MACF1: variants seen among roughly 807,000 people sequenced by gnomAD.
The protein encoded by MACF1 is microtubule-actin cross-linking factor 1.
A neutral mutation model predicts 854.8 loss-of-function variants in MACF1; 193 were observed. The observed-to-expected ratio is 0.23, with a 90% CI of 0.20 to 0.25. MACF1 has a LOEUF of 0.25. Ranked by LOEUF, MACF1 falls within the 10% of genes least tolerant of loss-of-function variation. The pLI, the probability that MACF1 is intolerant of heterozygous loss-of-function variation, is 1.00. For synonymous variants in MACF1, 3,185 were observed against 3,226.7 expected (o/e 0.99, Z 0.44); for missense variants, 7,722 against 8,929.1 (o/e 0.86, Z 5.45).
chr1:39,128,003 T>G (rs1448113828), intron 2 of MACF1, among the ~76,000 whole-genome samples: 1 of 152,092 alleles, frequency 6.6e-6, no homozygotes, highest in African/African-American at 2.4e-5. Flanking sequence ...TCTTTTCTAG[T>G]CTTTATTTTC....
In MACF1 at chr1:39,335,329, T is replaced by A. The variant is rs762762215; in HGVS notation, c.8741T>A (p.Val2914Glu). 1.2e-6 allele frequency: 2 copies of A among 1,613,748 alleles called. No homozygotes were observed. Among genetic ancestry groups the A allele is most frequent in the Non-Finnish European group, 1.7e-6 (2 of 1,179,924 alleles). ...NDTNEEQEKA[V>E]TKIEIISHMK... ...ACAAATGAAGAGCAGGAAAAAGCAG[T>A]GACAAAAATAGAAATTATTTCTCAT... is the stretch of plus-strand genomic sequence containing the variant. Residue 2914 changes from valine to glutamate, a missense_variant, in exon 37 of 101, where the codon GTG becomes GAG. Around this residue, in one of 15 missense-constraint regions of MACF1, gnomAD observed 854 missense variants for 852.6 expected, o/e 1.00. Coordinates refer to ENST00000564288, the MANE Select transcript of MACF1 (RefSeq NM_001394062.1).
Position 39,469,620 on chromosome 1 carries a change from G to A in MACF1, c.21958+5G>A. ...TTTCCAGTCAGTCTCCCATAGGTTG[G>A]CTTTTAAGCTTTGTCCCTCTTCCTC... On this transcript the variant is annotated splice_donor_5th_base_variant and intron_variant, in intron 97 of 100. Transcript: ENST00000564288. The A allele has an allele frequency of 6.5e-7, 1 of 1,549,906 alleles. No individual in the cohort carries two copies.
In MACF1 at chr1:39,422,491, G is replaced by A. The variant is rs1340606834; in HGVS notation, c.15934G>A (p.Asp5312Asn). The change falls in exon 59 of 101, where the codon GAC becomes AAC. Residue 5312 changes from aspartate (D) to asparagine (N), a missense_variant. By Grantham distance (23) the Asp-to-Asn change is conservative (BLOSUM62 1). Transcript: ENST00000564288. The part of the protein sequence containing the change: ...KDCDVQGLEH[D>N]MEEINARWNT... ...CTGTGATGTACAGGGTTTAGAACATGACATGGAAGAGATCAATGCTCGATG... is the reference window on the plus strand; with the variant it reads ...CTGTGATGTACAGGGTTTAGAACATAACATGGAAGAGATCAATGCTCGATG... 1 of 1,614,042 alleles carries A rather than the reference G, an allele frequency of 6.2e-7. No homozygotes were observed. The highest frequency in any genetic ancestry group is 1.1e-5 in the South Asian group (1 of 91,068).
intron 2 of MACF1, among the ~76,000 whole-genome samples, chr1:39,118,324 G>T (rs571059051): frequency 6.6e-6 from 1 of 152,016 alleles, no homozygotes; most frequent in South Asian, 2.1e-4. Context: ...TAGAGGGGAA[G>T]AATGTAGGAC....
intron 49 of MACF1, among the ~76,000 whole-genome samples, chr1:39,367,634 C>T (rs962419272): frequency 6.6e-6 from 1 of 152,192 alleles, no homozygotes; most frequent in Non-Finnish European, 1.5e-5. Flanking sequence ...GATTGAATTT[C>T]AGGTGAGGTG....
chr1:39,470,697 G>T (rs1016348220), intron 97 of MACF1, among the ~76,000 whole-genome samples: 5 of 152,174 alleles, frequency 3.3e-5, no homozygotes, highest in African/African-American at 1.2e-4. Context: ...TTTAGTTTTA[G>T]AATTTAAAAG....
intron 2 of MACF1, among the ~76,000 whole-genome samples, chr1:39,187,937 CCT>C (rs1644198057): frequency 1.6e-5 from 2 of 128,580 alleles, no homozygotes; most frequent in Admixed American, 8.3e-5. Context: ...TTCCCCTTTC[CCT>C]TCCCTTCCCT....
chr1:39,414,970 T>C (rs1643230465), intron 58 of MACF1, among the ~76,000 whole-genome samples: 1 of 152,188 alleles, frequency 6.6e-6, no homozygotes, highest in South Asian at 2.1e-4. Context: ...AAGGCATAAC[T>C]CTGTGAGGAT....
intron 19 of MACF1, among the ~76,000 whole-genome samples, chr1:39,295,445 G>T (rs531246487): frequency 1.9e-4 from 29 of 152,368 alleles, no homozygotes; most frequent in African/African-American, 7.0e-4. Context: ...GACAGATCCT[G>T]ACTTGACTCT....
rs763676833 is a variant in MACF1, at chr1:39,437,866, C to G, written c.18078C>G (p.Asp6026Glu). The part of the protein sequence containing the change: ...RMPPLIPAEV[D>E]KIRECISDNK... Reference sequence around the variant, plus strand: ...CACCACTGATCCCTGCTGAAGTAGACAAGATCAGAGAGTGCATCAGTGACA... The same window carrying G: ...CACCACTGATCCCTGCTGAAGTAGAGAAGATCAGAGAGTGCATCAGTGACA... Residue 6026 changes from aspartate to glutamate, a missense_variant, in exon 71 of 101, where the codon GAC becomes GAG. Physicochemically the swap from Asp to Glu is conservative, Grantham distance 45. Around this residue, in one of 15 missense-constraint regions of MACF1, gnomAD observed 2,807 missense variants for 3,235.8 expected, o/e 0.87. Transcript: ENST00000564288. The G allele has an allele frequency of 1.2e-6, 2 of 1,614,094 alleles. No individual in the cohort carries two copies. Among genetic ancestry groups the G allele is most frequent in the Admixed American group, 3.3e-5 (2 of 60,012 alleles).
At chr1:39,357,134 C>G (rs1202934093) in intron 44 of MACF1, among the ~76,000 whole-genome samples, 3 of 152,090 alleles carry the variant, frequency 2.0e-5, no homozygotes, top group Non-Finnish European at 2.9e-5. Context: ...GAGTCAGCAT[C>G]TAAATTAAAG....
At chr1:39,194,740 G>A (rs1436869443) in intron 2 of MACF1, among the ~76,000 whole-genome samples, 2 of 142,388 alleles carry the variant, frequency 1.4e-5, no homozygotes, top group Non-Finnish European at 3.0e-5. Flanking sequence ...TGTCTAGGCT[G>A]GAGTGCAGTG....
At position 39,315,935 on chromosome 1, in the gene MACF1, A is replaced by G. The variant is rs1419332470; in HGVS notation, c.3449+244A>G. Among the ~76,000 whole-genome samples, 5 of 152,296 alleles carry G rather than the reference A, an allele frequency of 3.3e-5. No homozygotes were observed. In the South Asian group the frequency reaches 6.2e-4, roughly 19 times the overall value. ...CAGTGTTGGGACTATGATTTACCTC[A>G]CTTCTGTTTGATTAAATATTTCTGA... is the stretch of plus-strand genomic sequence containing the variant. On this transcript the variant is annotated intron_variant, in intron 27 of 100. Transcript: ENST00000564288.
In MACF1 at chr1:39,324,291, C is replaced by T. The variant is rs1212138280; in HGVS notation, c.4335C>T (p.Thr1445=). The T allele has an allele frequency of 5.0e-6, 8 of 1,613,950 alleles. No individual in the cohort carries two copies. Among genetic ancestry groups the T allele is most frequent in the Non-Finnish European group, 6.8e-6 (8 of 1,179,912 alleles). Residue 1445 remains threonine, a synonymous_variant, in exon 34 of 101, where the codon ACC becomes ACT. Coordinates refer to ENST00000564288, the MANE Select transcript of MACF1 (RefSeq NM_001394062.1). ...TLARNTQGKA[T]SSETKESTDI... ...CGAGGAATACACAAGGAAAAGCTAC[C>T]TCATCCGAGACCAAAGAATCAACAG...
chr1:39,394,618 G>A (rs1042020937), intron 58 of MACF1, among the ~76,000 whole-genome samples: 3 of 151,852 alleles, frequency 2.0e-5, no homozygotes, highest in East Asian at 3.9e-4. Flanking sequence ...AAGAGACTCC[G>A]TCTCCAAAAA....
intron 58 of MACF1, 103 bp downstream of exon 58, chr1:39,388,761 T>G: frequency 1.9e-6 from 2 of 1,076,782 alleles, no homozygotes; most frequent in Non-Finnish European, 2.6e-6. Context: ...CTAGTTTTAT[T>G]ATTGTCACTT....
intron 6 of MACF1, among the ~76,000 whole-genome samples, chr1:39,262,116 A>G (rs1025837250): frequency 2.0e-5 from 3 of 152,146 alleles, no homozygotes; most frequent in African/African-American, 7.2e-5. Flanking sequence ...TATGGAAGAT[A>G]CACGGCTGAG....
At chr1:39,458,279 G>A in intron 89 of MACF1, 91 bp from the exon 90 acceptor site, 1 of 1,279,970 alleles carries the variant, frequency 7.8e-7, no homozygotes, top group South Asian at 1.4e-5. Context: ...GCCACCACAG[G>A]CCGTAAAGTA....
intron 52 of MACF1, 95 bp downstream of exon 52, chr1:39,372,691 G>T: frequency 2.3e-6 from 2 of 853,140 alleles, no homozygotes; most frequent in Non-Finnish European, 3.9e-6. Flanking sequence ...TGAAAATCAA[G>T]GTTGGATATG....
Sources: gnomAD v4.1 joint callset for allele counts (sites outside exome capture counted in the v4.1 genomes callset) on GRCh38, gnomAD v4.1.1 for gene constraint, gnomAD v4.1.1 regional missense constraint, MANE v1.5 for transcripts, NCBI Gene and HGNC (gene_info 2026-07-23, HGNC 2026-07-21) for gene names.